Variants in RUFY3 observed in about 807,000 individuals in gnomAD.
RUFY3 encodes protein RUFY3.
RUFY3 carries 34 observed loss-of-function variants against 84.0 expected under a neutral mutation model. The ratio of observed to expected loss-of-function variants is 0.40; its 90% CI spans 0.31 to 0.54. RUFY3 has a LOEUF of 0.54. Among genes scored for constraint, RUFY3 ranks in the 20% least tolerant of loss-of-function variants. The pLI, the probability that RUFY3 is intolerant of heterozygous loss-of-function variation, is 0.39. For synonymous variants in RUFY3, 242 were observed against 252.9 expected (o/e 0.96, Z 0.41); for missense variants, 507 against 736.8 (o/e 0.69, Z 3.61).
intron 5 of RUFY3, among the ~76,000 whole-genome samples, chr4:70,771,359 A>G (rs1181204902): frequency 6.6e-6 from 1 of 152,100 alleles, no homozygotes; most frequent in Non-Finnish European, 1.5e-5. Flanking sequence ...ACTCTTGAAC[A>G]ACAGAGTAAG....
chr4:70,800,576 A>G (rs1732094124), intron 15 of RUFY3, among the ~76,000 whole-genome samples: 1 of 152,154 alleles, frequency 6.6e-6, no homozygotes, highest in Non-Finnish European at 1.5e-5. Context: ...ACTTGTTTCT[A>G]CCTCTGTGCT....
intron 1 of RUFY3, 93 bp from the exon 2 acceptor site, chr4:70,762,426 G>A: frequency 9.1e-7 from 1 of 1,094,042 alleles, no homozygotes; most frequent in Non-Finnish European, 1.3e-6. Context: ...TTTTCACAGT[G>A]AGTACATGGT....
At chr4:70,787,185 AAAATAT>A (rs1194789282) in intron 10 of RUFY3, among the ~76,000 whole-genome samples, 15 of 119,296 alleles carry the variant, frequency 1.3e-4, no homozygotes, top group Admixed American at 1.8e-4. Flanking sequence ...AAAAAAAAAA[AAAATAT>A]ATATATATAT....
chr4:70,804,375 C>T lies in RUFY3; in HGVS notation c.1678C>T (p.Gln560Ter). 6.2e-7 allele frequency: 1 copy of T among 1,614,058 alleles called. No homozygotes were observed. The highest frequency in any genetic ancestry group is 8.5e-7 in the Non-Finnish European group (1 of 1,179,970). Residue 560 changes from glutamine to a stop codon, truncating the protein, a stop_gained, in exon 17 of 18, where the codon CAG (glutamine) becomes TAG (stop). Transcript: ENST00000381006. LOFTEE classifies it low-confidence loss of function (END_TRUNC). Reference protein sequence around the residue: ...QDQLLLSEKPQLCQLCQEDGS... With the variant: ...QDQLLLSEKP ...TCAGCTGCTGCTCTCTGAAAAGCCA[C>T]AGTTGTGTCAGCTATGCCAGGAAGA...
chr4:70,740,326 CAG>C (rs780803765), intron 1 of RUFY3, among the ~76,000 whole-genome samples: 49 of 152,230 alleles, frequency 3.2e-4, no homozygotes, highest in Admixed American at 9.8e-4. Flanking sequence ...AAGAAGAAAA[CAG>C]AAAATATGTC....
intron 1 of RUFY3, among the ~76,000 whole-genome samples, chr4:70,737,844 T>C (rs1427770277): frequency 6.6e-6 from 1 of 151,858 alleles, no homozygotes; most frequent in Non-Finnish European, 1.5e-5. Flanking sequence ...TGGCTAATTT[T>C]TGTATTTTTA....
At chr4:70,735,277 G>A (rs913509235) in intron 1 of RUFY3, among the ~76,000 whole-genome samples, 23 of 152,106 alleles carry the variant, frequency 1.5e-4, no homozygotes, top group African/African-American at 5.6e-4. Context: ...TTTTTTCATT[G>A]TGGTTCCTCT....
intron 14 of RUFY3, among the ~76,000 whole-genome samples, chr4:70,797,423 AAGC>A (rs775376100): frequency 7.9e-5 from 12 of 152,332 alleles, no homozygotes; most frequent in Non-Finnish European, 1.8e-4. Flanking sequence ...GTATATAACA[AAGC>A]AGGAAGAGTT....
chr4:70,783,457 C>T (rs1290504299), intron 9 of RUFY3, among the ~76,000 whole-genome samples: 2 of 152,298 alleles, frequency 1.3e-5, no homozygotes, highest in Non-Finnish European at 2.9e-5. Context: ...ATGGTTCAAA[C>T]AGTATTTAAT....
intron 1 of RUFY3, among the ~76,000 whole-genome samples, chr4:70,738,356 CTTTTTTTTTTTT>C (rs60916183): frequency 1.3e-4 from 8 of 60,502 alleles, no homozygotes; most frequent in Non-Finnish European, 1.7e-4. Flanking sequence ...GGTGTTTCAT[CTTTTTTTTTTTT>C]TTTTTTTTTT....
chr4:70,761,462 A>C (rs889948976), intron 1 of RUFY3, among the ~76,000 whole-genome samples: 1 of 152,200 alleles, frequency 6.6e-6, no homozygotes, highest in Non-Finnish European at 1.5e-5. Flanking sequence ...TGGGATGGTG[A>C]CTTGCCCGAG....
At chr4:70,722,780 TC>T (rs767788280) in intron 1 of RUFY3, 29 bp downstream of exon 1, 21 of 1,598,394 alleles carry the variant, frequency 1.3e-5, no homozygotes, top group Non-Finnish European at 1.6e-5. Context: ...CGCTAGTATT[TC>T]ACCAGCATCC....
chr4:70,771,317 C>T (rs971231664), intron 5 of RUFY3, among the ~76,000 whole-genome samples: 9 of 151,606 alleles, frequency 5.9e-5, no homozygotes, highest in Admixed American at 2.0e-4. Flanking sequence ...TGTGTGTGTG[C>T]GTGTGTGTGT....
chr4:70,798,890 C>A (rs1731863215), intron 14 of RUFY3, among the ~76,000 whole-genome samples: 1 of 152,082 alleles, frequency 6.6e-6, no homozygotes, highest in African/African-American at 2.4e-5. Flanking sequence ...GTGGCTTACG[C>A]CTGTAATCCC....
At chr4:70,746,064 C>T (rs749357123) in intron 1 of RUFY3, among the ~76,000 whole-genome samples, 2 of 151,552 alleles carry the variant, frequency 1.3e-5, no homozygotes, top group Admixed American at 6.6e-5. Flanking sequence ...AAAAAATTGG[C>T]GGGGCGTGGT....
At chr4:70,723,522 G>A (rs1560448654) in intron 1 of RUFY3, among the ~76,000 whole-genome samples, 1 of 151,818 alleles carries the variant, frequency 6.6e-6, no homozygotes, top group Non-Finnish European at 1.5e-5. Context: ...CTCTTGACTT[G>A]CGACTTTTTT....
At chr4:70,740,409 C>T (rs1040493983) in intron 1 of RUFY3, among the ~76,000 whole-genome samples, 8 of 152,214 alleles carry the variant, frequency 5.3e-5, no homozygotes, top group African/African-American at 1.4e-4. Flanking sequence ...GTATCCACCA[C>T]GCATTCCTAC....
chr4:70,796,032 C>A (rs1731456416), intron 14 of RUFY3, among the ~76,000 whole-genome samples: 1 of 152,030 alleles, frequency 6.6e-6, no homozygotes, highest in African/African-American at 2.4e-5. Context: ...TCAAAACATT[C>A]ATCACAAGTA....
At chr4:70,771,318 G>A (rs977279855) in intron 5 of RUFY3, among the ~76,000 whole-genome samples, 13 of 151,976 alleles carry the variant, frequency 8.6e-5, no homozygotes, top group African/African-American at 1.4e-4. Context: ...GTGTGTGTGC[G>A]TGTGTGTGTA....
Sources: allele counts gnomAD v4.1 joint callset (sites outside exome capture counted in the v4.1 genomes callset), GRCh38; gene constraint gnomAD v4.1.1; transcripts MANE v1.5; gene names NCBI Gene and HGNC (gene_info 2026-07-23, HGNC 2026-07-21).